TRPM3: variants seen among roughly 807,000 people sequenced by gnomAD.
TRPM3 encodes transient receptor potential cation channel subfamily M member 3.
Under a neutral mutation model 181.2 loss-of-function variants are expected in TRPM3, and 77 were observed. The observed-to-expected ratio is 0.42, with a 90% CI of 0.35 to 0.51. The LOEUF is 0.51. Among genes scored for constraint, TRPM3 ranks in the 20% least tolerant of loss-of-function variants. The pLI, the probability that TRPM3 is intolerant of heterozygous loss-of-function variation, is 0.01. For missense variants in TRPM3, 1,759 were observed against 2,196.7 expected (o/e 0.80, Z 3.98); for synonymous variants, 745 against 796.4 (o/e 0.94, Z 1.09).
rs926954299 is a variant in TRPM3 at position 70,857,660 on chromosome 9, G to T, written c.462+5248C>A. Among the ~76,000 whole-genome samples, 8 of 152,284 alleles carry T rather than the reference G, an allele frequency of 5.3e-5. 1 individual carries two copies. The South Asian group carries it at 1.2e-3, about 24-fold the overall frequency. ...AAACAGAACTGACAGGAGTCCTGAG[G>T]AGGCTGGGTTCAAGAACTATGTTGT... On this transcript the variant is annotated intron_variant, in intron 3 of 25. Transcript: ENST00000677713.
chr9:70,924,787 A>T (rs142100287), intron 1 of TRPM3, among the ~76,000 whole-genome samples: 1 of 152,294 alleles, frequency 6.6e-6, no homozygotes, highest in East Asian at 1.9e-4. Context: ...TTTAATAACC[A>T]TTCTCTAGCT....
At chr9:70,845,351 T>C (rs990301999) in intron 4 of TRPM3, among the ~76,000 whole-genome samples, 2 of 152,274 alleles carry the variant, frequency 1.3e-5, no homozygotes, top group African/African-American at 2.4e-5. Context: ...GCAATTCTCC[T>C]GGTTCAGCCT....
At chr9:70,968,673 T>G (rs556144874) in intron 1 of TRPM3, among the ~76,000 whole-genome samples, 27 of 152,044 alleles carry the variant, frequency 1.8e-4, no homozygotes, top group Admixed American at 1.2e-3. Context: ...TGTGGGATGG[T>G]TTTTTTTGTG....
intron 17 of TRPM3, among the ~76,000 whole-genome samples, chr9:70,616,852 G>C (rs1280322272): frequency 2.0e-5 from 3 of 152,142 alleles, no homozygotes; most frequent in Admixed American, 6.5e-5. Flanking sequence ...TCTTCTGAGA[G>C]GGCGGTCTCA....
chr9:70,958,329 T>C (rs537090307), intron 1 of TRPM3, among the ~76,000 whole-genome samples: 2 of 112,952 alleles, frequency 1.8e-5, no homozygotes, highest in Admixed American at 9.0e-5. Context: ...AATAATACTA[T>C]GCTCACAGTA....
intron 1 of TRPM3, among the ~76,000 whole-genome samples, chr9:71,205,587 T>G (rs17056479): frequency 0.15 from 23,099 of 152,078 alleles, 1,759 homozygotes; most frequent in South Asian, 0.21. Flanking sequence ...TTAAAACACA[T>G]TAGGGGTAGT....
chr9:71,086,415 G>T (rs1215148247), intron 1 of TRPM3, among the ~76,000 whole-genome samples: 1 of 151,900 alleles, frequency 6.6e-6, no homozygotes, highest in East Asian at 1.9e-4. Context: ...CTTAAAAAAT[G>T]AGGTATAAGT....
At chr9:71,356,087 G>A (rs11142808) in intron 1 of TRPM3, among the ~76,000 whole-genome samples, 7,121 of 152,162 alleles carry the variant, frequency 0.047, 266 homozygotes, top group East Asian at 0.13. Context: ...CAGCAGGTGG[G>A]TCTCTCTGCC....
chr9:70,553,811 G>C (rs1300924680), intron 22 of TRPM3, among the ~76,000 whole-genome samples: 2 of 152,196 alleles, frequency 1.3e-5, no homozygotes, highest in Non-Finnish European at 2.9e-5. Flanking sequence ...GAAACAACCT[G>C]GGAGCTCCAG....
At chr9:70,856,447 T>C (rs564455172) in intron 3 of TRPM3, among the ~76,000 whole-genome samples, 1 of 152,340 alleles carries the variant, frequency 6.6e-6, no homozygotes, top group Admixed American at 6.5e-5. Context: ...AATTTCCTAC[T>C]TGGTGTGTGC....
chr9:70,889,715 G>T (rs960018353), intron 1 of TRPM3, among the ~76,000 whole-genome samples: 1 of 152,018 alleles, frequency 6.6e-6, no homozygotes, highest in African/African-American at 2.4e-5. Flanking sequence ...AGGTATAAGA[G>T]CAAGCTTATA....
chr9:71,200,195 C>G (rs1391412986), intron 1 of TRPM3, among the ~76,000 whole-genome samples: 1 of 152,054 alleles, frequency 6.6e-6, no homozygotes, highest in Non-Finnish European at 1.5e-5. Flanking sequence ...GAGTGAGTTT[C>G]TTAATCCTGA....
intron 1 of TRPM3, among the ~76,000 whole-genome samples, chr9:71,316,650 G>A (rs1233841824): frequency 2.0e-5 from 3 of 152,144 alleles, no homozygotes; most frequent in African/African-American, 7.2e-5. Context: ...TCCAGAAGCT[G>A]AAAAAGGTAG....
chr9:71,149,971 C>T (rs1663054448), intron 1 of TRPM3, among the ~76,000 whole-genome samples: 1 of 151,860 alleles, frequency 6.6e-6, no homozygotes, highest in African/African-American at 2.4e-5. Context: ...AAGATCCTGT[C>T]TCAAATATAT....
chr9:71,234,609 T>TC (rs1245957753), intron 1 of TRPM3, among the ~76,000 whole-genome samples: 1 of 152,296 alleles, frequency 6.6e-6, no homozygotes, highest in East Asian at 1.9e-4. Context: ...ACAAGGTCTT[T>TC]CCTCTGTGTT....
At chr9:71,172,491 A>T (rs528997432) in intron 1 of TRPM3, among the ~76,000 whole-genome samples, 25 of 149,908 alleles carry the variant, frequency 1.7e-4, no homozygotes, top group African/African-American at 5.9e-4. Context: ...CTCCAGCCTC[A>T]ACCTCTCTGG....
chr9:71,198,523 T>A (rs901409859), intron 1 of TRPM3, among the ~76,000 whole-genome samples: 2 of 152,184 alleles, frequency 1.3e-5, no homozygotes, highest in Admixed American at 1.3e-4. Flanking sequence ...GTTCTTCCAT[T>A]TCTTTGTATC....
At chr9:71,175,299 T>C (rs1163776293) in intron 1 of TRPM3, among the ~76,000 whole-genome samples, 2 of 152,118 alleles carry the variant, frequency 1.3e-5, no homozygotes, top group Non-Finnish European at 2.9e-5. Context: ...TGTAATAGGC[T>C]ACGATAGGCC....
intron 1 of TRPM3, among the ~76,000 whole-genome samples, chr9:71,291,129 C>T (rs547661456): frequency 2.0e-5 from 3 of 152,194 alleles, no homozygotes; most frequent in African/African-American, 2.4e-5. Context: ...GCTCCTGTAC[C>T]AGGCCTCAGC....
Sources: allele counts gnomAD v4.1 joint callset (sites outside exome capture counted in the v4.1 genomes callset), GRCh38; gene constraint gnomAD v4.1.1; transcripts MANE v1.5; gene names NCBI Gene and HGNC (gene_info 2026-07-23, HGNC 2026-07-21).